Variants in SLC10A7 observed in about 807,000 individuals in gnomAD.
SLC10A7 encodes the protein sodium/bile acid cotransporter 7.
A neutral mutation model predicts 43.2 loss-of-function variants in SLC10A7; 29 were observed. The ratio of observed to expected loss-of-function variants is 0.67; its 90% confidence interval spans 0.50 to 0.92. The LOEUF (loss-of-function observed/expected upper bound fraction) is 0.92. SLC10A7 is among the 40% of genes least tolerant of loss of function. The pLI, the probability that SLC10A7 is intolerant of heterozygous loss-of-function variation, is 0.00. For missense variants in SLC10A7, 295 were observed against 403.2 expected, an observed-to-expected ratio of 0.73 and a Z score of 2.30; for synonymous variants, 152 against 144.8, an observed-to-expected ratio of 1.05 and a Z score of -0.35.
intron 5 of SLC10A7, among the ~76,000 whole-genome samples, chr4:146,360,648 G>T (rs1020127618): frequency 1.6e-4 from 25 of 151,948 alleles, no homozygotes; most frequent in Non-Finnish European, 1.3e-4. Flanking sequence ...GTAGAGACAA[G>T]GTCTTGCTAC....
chr4:146,521,515 A>C lies in SLC10A7; in HGVS notation c.100+103T>G, dbSNP rs1410240232. The C allele has an allele frequency of 3.2e-6, 3 of 933,590 alleles. No individual in the cohort carries two copies. The African/African-American group carries it at 5.0e-5, about 16-fold the overall frequency. The allele number at this position is 933,590 out of a possible 1,614,324, so 57.8% of individuals were successfully genotyped here. ...CCAAAGGCTGGTCAGTGCCCCCTGA[A>C]ATTGGCAAGCGCTTGCAATGAGGGT... is the stretch of plus-strand genomic sequence containing the variant. On this transcript the variant is annotated intron_variant, in intron 1 of 11. Transcript: ENST00000335472.
At chr4:146,464,809 G>A (rs540897814) in intron 4 of SLC10A7, among the ~76,000 whole-genome samples, 84 of 152,114 alleles carry the variant, frequency 5.5e-4, no homozygotes, top group African/African-American at 1.9e-3. Flanking sequence ...AATAGATGAC[G>A]GTTTAAATAT....
chr4:146,461,746 T>TGAAAATCAGAACAA (rs200706506), intron 4 of SLC10A7, among the ~76,000 whole-genome samples: 3,758 of 139,572 alleles, frequency 0.027, 74 homozygotes, highest in Non-Finnish European at 0.041. Flanking sequence ...AGTAAGTCAG[T>TGAAAATCAGAACAA]GAAAATCAGA....
chr4:146,336,467 C>G (rs1362396561), intron 5 of SLC10A7, among the ~76,000 whole-genome samples: 1 of 152,002 alleles, frequency 6.6e-6, no homozygotes, highest in Admixed American at 6.6e-5. Context: ...ATAGTGTGTA[C>G]AATCCACTTT....
At chr4:146,318,192 C>A (rs548141068) in intron 6 of SLC10A7, among the ~76,000 whole-genome samples, 4 of 152,118 alleles carry the variant, frequency 2.6e-5, no homozygotes, top group Admixed American at 2.6e-4. Flanking sequence ...ATTTTCTGTA[C>A]CCTTTACAGA....
chr4:146,356,993 A>T (rs956773035), intron 5 of SLC10A7, among the ~76,000 whole-genome samples: 2 of 152,204 alleles, frequency 1.3e-5, no homozygotes, highest in African/African-American at 4.8e-5. Context: ...AATGAATCCT[A>T]TAGCCCTATT....
chr4:146,355,366 A>G (rs1319046923), intron 5 of SLC10A7, among the ~76,000 whole-genome samples: 3 of 152,180 alleles, frequency 2.0e-5, no homozygotes, highest in African/African-American at 4.8e-5. Flanking sequence ...TTAGAATGGC[A>G]ATCATTAAAA....
At chr4:146,392,866 C>A (rs1006343364) in intron 5 of SLC10A7, among the ~76,000 whole-genome samples, 13 of 152,088 alleles carry the variant, frequency 8.5e-5, no homozygotes, top group Admixed American at 6.5e-4. Context: ...ACCTTGCTAC[C>A]ACTGACTACC....
intron 4 of SLC10A7, among the ~76,000 whole-genome samples, chr4:146,489,104 C>T (rs571652299): frequency 6.6e-6 from 1 of 152,346 alleles, no homozygotes; most frequent in South Asian, 2.1e-4. Flanking sequence ...TACCACAGGG[C>T]TGTAGTACAG....
chr4:146,336,637 C>T (rs975485806), intron 5 of SLC10A7, among the ~76,000 whole-genome samples: 7 of 151,962 alleles, frequency 4.6e-5, no homozygotes, highest in African/African-American at 1.7e-4. Flanking sequence ...GCAGATAGTC[C>T]GCCTATCTTG....
chr4:146,432,481 T>C (rs1008640281), intron 5 of SLC10A7, among the ~76,000 whole-genome samples: 3 of 152,106 alleles, frequency 2.0e-5, no homozygotes, highest in African/African-American at 4.8e-5. Context: ...TTCTAAGTGA[T>C]AGACACCGTA....
chr4:146,405,818 GT>G (rs536750473), intron 5 of SLC10A7, among the ~76,000 whole-genome samples: 64 of 146,348 alleles, frequency 4.4e-4, no homozygotes, highest in East Asian at 6.0e-4. Flanking sequence ...AGAAGGAAGA[GT>G]TTTTTTTTTT....
chr4:146,298,200 A>C (rs1359340639), intron 7 of SLC10A7, among the ~76,000 whole-genome samples: 3 of 152,220 alleles, frequency 2.0e-5, no homozygotes, highest in Non-Finnish European at 4.4e-5. Flanking sequence ...TTAAGTAATT[A>C]AATAAATATA....
chr4:146,367,318 T>G (rs1736465210), intron 5 of SLC10A7, among the ~76,000 whole-genome samples: 1 of 152,158 alleles, frequency 6.6e-6, no homozygotes, highest in Admixed American at 6.5e-5. Context: ...CTTTCTGTAA[T>G]GACATGTTCT....
chr4:146,490,497 C>T (rs1420285539), intron 4 of SLC10A7, among the ~76,000 whole-genome samples: 1 of 152,074 alleles, frequency 6.6e-6, no homozygotes, highest in African/African-American at 2.4e-5. Context: ...GTTAGTTTCC[C>T]AGGCTGTTTG....
chr4:146,331,690 G>A (rs998429200), intron 5 of SLC10A7, among the ~76,000 whole-genome samples: 2 of 152,000 alleles, frequency 1.3e-5, no homozygotes, highest in African/African-American at 4.8e-5. Context: ...CCCTTCTTCT[G>A]AACTTGTATT....
At chr4:146,480,108 C>G (rs1470821972) in intron 4 of SLC10A7, among the ~76,000 whole-genome samples, 1 of 151,496 alleles carries the variant, frequency 6.6e-6, no homozygotes, top group Non-Finnish European at 1.5e-5. Flanking sequence ...CTAAAAGAAT[C>G]CAAAGGTTAG....
intron 4 of SLC10A7, among the ~76,000 whole-genome samples, chr4:146,470,483 T>C (rs547104373): frequency 7.9e-5 from 12 of 152,002 alleles, no homozygotes; most frequent in Non-Finnish European, 1.2e-4. Flanking sequence ...TAAAAGAATT[T>C]TGCTATAACT....
At chr4:146,283,056 C>T in intron 10 of SLC10A7, 136 bp downstream of exon 10, 3 of 633,454 alleles carry the variant, frequency 4.7e-6, no homozygotes, top group South Asian at 2.7e-5. Flanking sequence ...CCCACCCTCA[C>T]TTTGCTACTG....
Sources: allele counts gnomAD v4.1 joint callset (sites outside exome capture counted in the v4.1 genomes callset), GRCh38; gene constraint gnomAD v4.1.1; transcripts MANE v1.5; gene names NCBI Gene and HGNC (gene_info 2026-07-23, HGNC 2026-07-21).